Variants in ELOVL2 observed in about 807,000 individuals in gnomAD.
ELOVL2 encodes ELOVL fatty acid elongase 2.
In ELOVL2, 38 loss-of-function variants were observed where a neutral mutation model predicts 37.7. The ratio of observed to expected loss-of-function variants is 1.01; its 90% confidence interval spans 0.78 to 1.32. ELOVL2 has a LOEUF of 1.32. Among genes scored for constraint, ELOVL2 ranks in the 40% most tolerant of loss-of-function variants. ELOVL2 has a pLI of 0.00. For synonymous variants in ELOVL2, 115 were observed against 122.3 expected (o/e 0.94, Z 0.40); for missense variants, 352 against 363.6 (o/e 0.97, Z 0.26).
intron 1 of ELOVL2, among the ~76,000 whole-genome samples, chr6:11,030,436 A>G (rs1465586963): frequency 6.6e-6 from 1 of 152,168 alleles, no homozygotes; most frequent in African/African-American, 2.4e-5. Context: ...AATAAAATAG[A>G]CATATCACTT....
chr6:10,994,106 T>C (rs1002649036), intron 5 of ELOVL2, among the ~76,000 whole-genome samples: 1 of 150,372 alleles, frequency 6.7e-6, no homozygotes, highest in African/African-American at 2.4e-5. Context: ...AAGGCTGCGG[T>C]GAGCTATGAC....
chr6:10,998,494 T>G (rs185605160), intron 4 of ELOVL2, among the ~76,000 whole-genome samples: 20 of 152,310 alleles, frequency 1.3e-4, no homozygotes, highest in African/African-American at 4.8e-4. Context: ...AAGGTAACAA[T>G]AAGAGCTTTT....
intron 1 of ELOVL2, among the ~76,000 whole-genome samples, chr6:11,016,414 T>C (rs560960908): frequency 6.6e-6 from 1 of 152,334 alleles, no homozygotes; most frequent in Non-Finnish European, 1.5e-5. Flanking sequence ...GTTTGAAACA[T>C]AGCATCCAAA....
chr6:10,999,017 C>T (rs1338768088), intron 4 of ELOVL2, among the ~76,000 whole-genome samples: 3 of 151,860 alleles, frequency 2.0e-5, no homozygotes, highest in African/African-American at 7.3e-5. Flanking sequence ...TTAATTTATC[C>T]CATAGTGTAC....
chr6:11,030,503 T>G (rs959280888), intron 1 of ELOVL2, among the ~76,000 whole-genome samples: 1 of 152,154 alleles, frequency 6.6e-6, no homozygotes, highest in African/African-American at 2.4e-5. Context: ...TTGTTTGTTT[T>G]TTTGTTGAGA....
intron 1 of ELOVL2, among the ~76,000 whole-genome samples, chr6:11,020,996 A>G (rs1336798190): frequency 6.6e-6 from 1 of 152,208 alleles, no homozygotes; most frequent in Non-Finnish European, 1.5e-5. Flanking sequence ...CTTGGTATCC[A>G]GCTGTATGTT....
At chr6:10,995,516 C>G (rs1224732562) in intron 4 of ELOVL2, among the ~76,000 whole-genome samples, 1 of 152,184 alleles carries the variant, frequency 6.6e-6, no homozygotes, top group Non-Finnish European at 1.5e-5. Context: ...AGCTCCCCAC[C>G]ACGGTGTCCT....
At chr6:10,989,043 G>A (rs914814045) in intron 7 of ELOVL2, among the ~76,000 whole-genome samples, 13 of 152,128 alleles carry the variant, frequency 8.5e-5, no homozygotes, top group African/African-American at 2.9e-4. Context: ...CACATTTCCT[G>A]GATCTGTCTT....
chr6:11,019,963 C>T (rs1222427075), intron 1 of ELOVL2, among the ~76,000 whole-genome samples: 2 of 152,202 alleles, frequency 1.3e-5, no homozygotes, highest in African/African-American at 4.8e-5. Flanking sequence ...AAGCCGGTTT[C>T]GAACTCCTGA....
At chr6:11,023,480 T>C (rs763232385) in intron 1 of ELOVL2, among the ~76,000 whole-genome samples, 18 of 152,250 alleles carry the variant, frequency 1.2e-4, no homozygotes, top group Non-Finnish European at 2.1e-4. Context: ...TGTATTTCTA[T>C]ATATTTTGAA....
chr6:11,008,923 A>G (rs141599868), intron 2 of ELOVL2, among the ~76,000 whole-genome samples: 28 of 152,212 alleles, frequency 1.8e-4, no homozygotes, highest in African/African-American at 6.5e-4. Flanking sequence ...AAACAGGAAA[A>G]CCTCCTCATT....
chr6:11,042,005 T>TC (rs148347538), intron 1 of ELOVL2, among the ~76,000 whole-genome samples: 45,673 of 152,008 alleles, frequency 0.3, 7,662 homozygotes, highest in African/African-American at 0.44. Flanking sequence ...CTGCCCATTT[T>TC]TTTTTTAAAG....
rs762483411 is a variant in ELOVL2, at chr6:11,005,454, T to G, written c.173A>C (p.Asn58Thr). 1.9e-6 allele frequency: 3 copies of G among 1,613,902 alleles called. No individual in the cohort carries two copies. The East Asian group carries it at 6.7e-5, about 36-fold the overall frequency. Residue 58 changes from asparagine (N) to threonine (T), a missense_variant, in exon 3 of 8, where the codon AAC becomes ACC. Physicochemically the swap from Asn to Thr is moderately conservative, Grantham distance 65. Coordinates refer to ENST00000354666, the MANE Select transcript of ELOVL2 (RefSeq NM_017770.4). ...ACCCCTGAGAGAAAGAGCAGGTCTG[T>G]TCTTCATATACTTGTTACCCAGCCA... ...SIWLGNKYMK[N>T]RPALSLRGIL...
chr6:11,043,297 G>A (rs1280522098), intron 1 of ELOVL2, among the ~76,000 whole-genome samples: 1 of 152,032 alleles, frequency 6.6e-6, no homozygotes, highest in Non-Finnish European at 1.5e-5. Flanking sequence ...TTCACATTTT[G>A]CCTAAAGACC....
intron 2 of ELOVL2, 32 bp from the exon 3 acceptor site, chr6:11,005,591 A>C (rs1219227061): frequency 6.3e-7 from 1 of 1,575,844 alleles, no homozygotes; most frequent in Non-Finnish European, 8.7e-7. Flanking sequence ...GAGGATCCTG[A>C]GGAATGATGC....
chr6:11,000,222 G>T, intron 3 of ELOVL2, 58 bp from the exon 4 acceptor site: 1 of 1,498,416 alleles, frequency 6.7e-7, no homozygotes, highest in South Asian at 1.1e-5. Flanking sequence ...TTTGGATACA[G>T]ACTGAATTTC....
At chr6:11,012,423 G>A (rs550369173) in intron 1 of ELOVL2, among the ~76,000 whole-genome samples, 2 of 152,120 alleles carry the variant, frequency 1.3e-5, no homozygotes, top group East Asian at 1.9e-4. Flanking sequence ...GAATGGGGGC[G>A]GCTGACCAGA....
intron 1 of ELOVL2, among the ~76,000 whole-genome samples, chr6:11,027,682 T>C (rs1782858927): frequency 6.7e-6 from 1 of 148,754 alleles, no homozygotes; most frequent in Admixed American, 6.8e-5. Context: ...ATTCACCCCC[T>C]GCTTTCACCT....
chr6:10,997,836 G>A (rs1393402168), intron 4 of ELOVL2, among the ~76,000 whole-genome samples: 1 of 152,192 alleles, frequency 6.6e-6, no homozygotes, highest in Non-Finnish European at 1.5e-5. Context: ...TCGTCATTAT[G>A]AAGTTTCTAT....
Sources: gnomAD v4.1 joint callset for allele counts (sites outside exome capture counted in the v4.1 genomes callset) on GRCh38, gnomAD v4.1.1 for gene constraint, MANE v1.5 for transcripts, NCBI Gene and HGNC (gene_info 2026-07-23, HGNC 2026-07-21) for gene names.